Variants in LGR5 observed in about 807,000 individuals in gnomAD.
LGR5 encodes the protein leucine rich repeat containing G protein-coupled receptor 5, also known as leucine-rich repeat-containing G protein-coupled receptor 5.
Under a neutral mutation model 76.7 loss-of-function variants are expected in LGR5, and 54 were observed. That is an observed-to-expected ratio of 0.70 (90% confidence interval 0.57 to 0.88). LGR5 has a LOEUF of 0.88. Among genes scored for constraint, LGR5 ranks in the 40% least tolerant of loss-of-function variants. The pLI, the probability that LGR5 is intolerant of heterozygous loss-of-function variation, is 0.00. For missense variants in LGR5, 1,078 were observed against 1,073.3 expected (o/e 1.00, Z -0.06); for synonymous variants, 406 against 421.9 (o/e 0.96, Z 0.46).
intron 17 of LGR5, among the ~76,000 whole-genome samples, chr12:71,583,269 C>G (rs1879169374): frequency 6.6e-6 from 1 of 152,170 alleles, no homozygotes. Context: ...CCCTAGGATT[C>G]TCCTTGTCTG....
At chr12:71,569,795 A>G (rs1382336878) in intron 11 of LGR5, among the ~76,000 whole-genome samples, 1 of 152,238 alleles carries the variant, frequency 6.6e-6, no homozygotes, top group Non-Finnish European at 1.5e-5. Flanking sequence ...TGACCCAGCA[A>G]TCCCATAACT....
chr12:71,550,461 C>CTT (rs71068776), intron 4 of LGR5, among the ~76,000 whole-genome samples: 2 of 132,062 alleles, frequency 1.5e-5, no homozygotes, highest in African/African-American at 2.9e-5. Context: ...CTCATACTTT[C>CTT]TTTTTTTTTT....
intron 11 of LGR5, among the ~76,000 whole-genome samples, chr12:71,570,788 G>T (rs901016572): frequency 6.6e-6 from 1 of 152,094 alleles, no homozygotes; most frequent in African/African-American, 2.4e-5. Flanking sequence ...TTTTCCCATT[G>T]CATAGTGGTG....
chr12:71,581,349 CT>C (rs1481378930), intron 16 of LGR5, among the ~76,000 whole-genome samples: 1 of 152,228 alleles, frequency 6.6e-6, no homozygotes, highest in East Asian at 1.9e-4. Flanking sequence ...AACAATGCCT[CT>C]CAAACCACAC....
At chr12:71,485,081 A>G (rs1873770180) in intron 1 of LGR5, among the ~76,000 whole-genome samples, 1 of 152,202 alleles carries the variant, frequency 6.6e-6, no homozygotes, top group African/African-American at 2.4e-5. Flanking sequence ...ATATCTGTAT[A>G]GGCAAGAGTT....
intron 8 of LGR5, among the ~76,000 whole-genome samples, chr12:71,563,161 T>A (rs76013739): frequency 0.015 from 2,338 of 152,240 alleles, 30 homozygotes; most frequent in African/African-American, 0.035. Context: ...TCCTATCCAC[T>A]ATTTGACAGT....
chr12:71,566,407 T>C lies in LGR5; in HGVS notation c.861T>C (p.His287=), dbSNP rs764761979. The C allele has an allele frequency of 6.3e-7, 1 of 1,593,484 alleles. No homozygotes were observed. Among genetic ancestry groups the C allele is most frequent in the Admixed American group, 1.7e-5 (1 of 59,832 alleles). ...FVGNPSLITI[H]FYDNPIQFVG... is the part of the protein sequence containing the mutation. ...TTGCTGTTTGGGTTTCTTTTAGACA[T>C]TTCTATGACAATCCCATCCAGTTTG... The change falls in exon 9 of 18, where the codon CAT becomes CAC. Residue 287 remains histidine (H), a synonymous_variant. Coordinates refer to ENST00000266674, the MANE Select transcript of LGR5 (RefSeq NM_003667.4).
At chr12:71,538,655 C>T (rs1876723855) in intron 4 of LGR5, among the ~76,000 whole-genome samples, 2 of 152,106 alleles carry the variant, frequency 1.3e-5, no homozygotes, top group African/African-American at 2.4e-5. Context: ...AAATTACAAG[C>T]TTGAGTAATG....
chr12:71,505,650 G>A (rs146411159), intron 2 of LGR5, among the ~76,000 whole-genome samples: 25 of 152,228 alleles, frequency 1.6e-4, no homozygotes, highest in Non-Finnish European at 3.1e-4. Context: ...ATTACACTAC[G>A]TTGACCATTT....
intron 2 of LGR5, among the ~76,000 whole-genome samples, chr12:71,522,543 C>G (rs558273390): frequency 6.6e-6 from 1 of 152,208 alleles, no homozygotes; most frequent in Admixed American, 6.5e-5. Flanking sequence ...TCCATTTTCA[C>G]AAATATATTT....
intron 13 of LGR5, among the ~76,000 whole-genome samples, chr12:71,576,276 A>G (rs1878852258): frequency 6.6e-6 from 1 of 152,218 alleles, no homozygotes; most frequent in South Asian, 2.1e-4. Flanking sequence ...GATGGTTCAA[A>G]TGAAAAGACA....
intron 2 of LGR5, among the ~76,000 whole-genome samples, chr12:71,516,968 C>T (rs1592506478): frequency 1.4e-5 from 2 of 145,582 alleles, no homozygotes; most frequent in Non-Finnish European, 3.0e-5. Context: ...ATGAAAGGGA[C>T]ATTGCCATGA....
At chr12:71,583,585 A>G in intron 17 of LGR5, 62 bp from the exon 18 acceptor site, 1 of 1,529,944 alleles carries the variant, frequency 6.5e-7, no homozygotes, top group Middle Eastern at 1.8e-4. Flanking sequence ...ACAAAAGGGT[A>G]ATTCAGCAAA....
At chr12:71,549,796 G>T (rs115256843) in intron 4 of LGR5, among the ~76,000 whole-genome samples, 267 of 152,318 alleles carry the variant, frequency 1.8e-3, no homozygotes, top group African/African-American at 6.0e-3. Context: ...ACATCTGAAG[G>T]TCTATGCTGT....
rs537844824 is a variant in LGR5, at chr12:71,540,133, T to G, written c.428+4947T>G. On this transcript the variant is annotated intron_variant, in intron 4 of 17. Coordinates refer to ENST00000266674, the MANE Select transcript of LGR5 (RefSeq NM_003667.4). ...ACCCTCCCATACCCTCACACTTTTA[T>G]ATTAATAGTTAAGAAATCAATCTAT... Among the ~76,000 whole-genome samples, 3 of 152,354 alleles carry G rather than the reference T, an allele frequency of 2.0e-5. No homozygotes were observed. The South Asian group carries it at 6.2e-4, about 32-fold the overall frequency.
rs558133001 is a variant in LGR5, at chr12:71,519,674, A to G, written c.285-4732A>G. ...AAACAAAAAACAAAAAAAACCACAA[A>G]AATTAGCCAGGCATGGTGTCATGTG... is the stretch of plus-strand genomic sequence containing the variant. On this transcript the variant is annotated intron_variant, in intron 2 of 17. Transcript: ENST00000266674. Among the ~76,000 whole-genome samples, 5 of 151,852 alleles carry G rather than the reference A, an allele frequency of 3.3e-5. No homozygotes were observed. The East Asian group carries it at 9.7e-4, about 29-fold the overall frequency.
chr12:71,455,859 A>C (rs1872450590), intron 1 of LGR5, among the ~76,000 whole-genome samples: 3 of 152,334 alleles, frequency 2.0e-5, no homozygotes, highest in Admixed American at 6.5e-5. Flanking sequence ...ATATGTGCAT[A>C]TAGATATGGT....
chr12:71,557,757 T>C (rs1005448461), intron 6 of LGR5, among the ~76,000 whole-genome samples: 1 of 151,992 alleles, frequency 6.6e-6, no homozygotes, highest in African/African-American at 2.4e-5. Context: ...GGGTCCTGAG[T>C]GTGCTGGGAG....
chr12:71,547,710 T>C (rs1298142), intron 4 of LGR5, among the ~76,000 whole-genome samples: 28,650 of 152,176 alleles, frequency 0.19, 3,041 homozygotes, highest in Non-Finnish European at 0.24. Context: ...TCAAGTCTCC[T>C]GATTCAGTGC....
Sources: allele counts gnomAD v4.1 joint callset (sites outside exome capture counted in the v4.1 genomes callset), GRCh38; gene constraint gnomAD v4.1.1; transcripts MANE v1.5; gene names NCBI Gene and HGNC (gene_info 2026-07-23, HGNC 2026-07-21).